AFF3: variants seen among roughly 807,000 people sequenced by gnomAD.
AFF3 encodes ALF transcription elongation factor 3.
AFF3 carries 32 observed loss-of-function variants against 129.7 expected under a neutral mutation model. That is an observed-to-expected ratio of 0.25 (90% CI 0.19 to 0.33). AFF3 has a LOEUF of 0.33. Ranked by LOEUF, AFF3 falls within the 10% of genes least tolerant of loss-of-function variation. The pLI is 1.00. For synonymous variants in AFF3, 644 were observed against 635.4 expected (o/e 1.01, Z -0.20); for missense variants, 1,373 against 1,592.0 (o/e 0.86, Z 2.34).
chr2:99,552,086 A>T (rs752127833), intron 24 of AFF3, among the ~76,000 whole-genome samples: 1 of 152,132 alleles, frequency 6.6e-6, no homozygotes, highest in Non-Finnish European at 1.5e-5. Flanking sequence ...TTGCCCTTTC[A>T]CCAAATGTTT....
In AFF3 at chr2:99,619,084, C is replaced by T. The variant is rs554198511; in HGVS notation, c.1185-17463G>A. On this transcript the variant is annotated intron_variant, in intron 13 of 24. Transcript: ENST00000672756. ...ATTTTGAACAAGGTCAAAGGAAGCTCCCAAGAGAGACTGCAAGGACCCAGA... is the reference window on the plus strand; with the variant it reads ...ATTTTGAACAAGGTCAAAGGAAGCTTCCAAGAGAGACTGCAAGGACCCAGA... Among the ~76,000 whole-genome samples the T allele has an allele frequency of 3.3e-5, 5 of 152,292 alleles. No individual in the cohort carries two copies. The East Asian group carries it at 7.7e-4, about 24-fold the overall frequency.
At chr2:99,994,156 C>T (rs189832432) in intron 7 of AFF3, among the ~76,000 whole-genome samples, 36 of 152,098 alleles carry the variant, frequency 2.4e-4, no homozygotes, top group East Asian at 2.3e-3. Flanking sequence ...CAAACTGATA[C>T]GCAGACTGAA....
chr2:99,878,965 C>T (rs1221345232), intron 7 of AFF3, among the ~76,000 whole-genome samples: 1 of 152,032 alleles, frequency 6.6e-6, no homozygotes, highest in Non-Finnish European at 1.5e-5. Context: ...AACCCTAAGG[C>T]CACAAAATTA....
rs1347313052 is a variant in AFF3 at position 99,578,137 on chromosome 2, G to T, written c.2918+190C>A. The stretch of plus-strand genomic sequence containing the variant: ...TCCGTCTACCCAAAAACCCCACCAG[G>T]ACTCAGGCGTGCACTCAAAATTAAG... On this transcript the variant is annotated intron_variant, in intron 18 of 24. Transcript: ENST00000672756. Among the ~76,000 whole-genome samples the T allele has an allele frequency of 2.6e-5, 4 of 152,026 alleles. No homozygotes were observed. In the East Asian group the frequency reaches 7.7e-4, roughly 29 times the overall value.
chr2:99,643,252 A>G (rs547829786), intron 13 of AFF3, among the ~76,000 whole-genome samples: 7 of 151,818 alleles, frequency 4.6e-5, no homozygotes, highest in Non-Finnish European at 1.0e-4. Flanking sequence ...TAAAGATGGG[A>G]TTTCACCATA....
chr2:100,065,361 ATTG>A (rs1288068513), intron 4 of AFF3, among the ~76,000 whole-genome samples: 1 of 152,218 alleles, frequency 6.6e-6, no homozygotes, highest in Non-Finnish European at 1.5e-5. Flanking sequence ...TTCATTATTT[ATTG>A]TTAATAAAGT....
chr2:99,679,251 C>T (rs1575674924), intron 11 of AFF3, among the ~76,000 whole-genome samples: 2 of 152,186 alleles, frequency 1.3e-5, no homozygotes. Flanking sequence ...CTCCCTCCCT[C>T]CCGGGGAGGG....
chr2:99,875,729 A>T (rs1034645308), intron 7 of AFF3, among the ~76,000 whole-genome samples: 10 of 152,180 alleles, frequency 6.6e-5, no homozygotes, highest in African/African-American at 2.4e-4. Flanking sequence ...AATTCTAAAA[A>T]GGACTAGTTC....
chr2:100,092,013 C>T (rs1007853094), intron 4 of AFF3, among the ~76,000 whole-genome samples: 10 of 149,154 alleles, frequency 6.7e-5, no homozygotes, highest in East Asian at 1.9e-4. Flanking sequence ...TCTCCTCCTC[C>T]GCCCTAGACA....
intron 13 of AFF3, among the ~76,000 whole-genome samples, chr2:99,635,966 T>C (rs965791185): frequency 6.6e-6 from 1 of 152,176 alleles, no homozygotes; most frequent in African/African-American, 2.4e-5. Flanking sequence ...GGGCAGGTTA[T>C]CATCTGGCTT....
chr2:99,772,995 C>T (rs934991649), intron 8 of AFF3, among the ~76,000 whole-genome samples: 3 of 152,212 alleles, frequency 2.0e-5, no homozygotes, highest in African/African-American at 7.2e-5. Flanking sequence ...TTCAGACCGG[C>T]CAGGTTCCCA....
intron 4 of AFF3, among the ~76,000 whole-genome samples, chr2:100,055,944 G>C (rs575474784): frequency 2.9e-4 from 44 of 151,964 alleles, no homozygotes; most frequent in Non-Finnish European, 4.4e-4. Context: ...GTCGGAGAAG[G>C]AAGGACTGCT....
chr2:99,588,416 G>A (rs924648667), intron 15 of AFF3, among the ~76,000 whole-genome samples: 1 of 152,144 alleles, frequency 6.6e-6, no homozygotes, highest in Non-Finnish European at 1.5e-5. Flanking sequence ...GGGCTCAAGC[G>A]ATCCTCCCAC....
chr2:99,960,963 T>A (rs1468793384), intron 7 of AFF3, among the ~76,000 whole-genome samples: 1 of 152,234 alleles, frequency 6.6e-6, no homozygotes, highest in Non-Finnish European at 1.5e-5. Context: ...CTTGTGCTCC[T>A]GGCTCCCCAC....
chr2:99,804,445 G>C (rs1446185949), intron 8 of AFF3, among the ~76,000 whole-genome samples: 1 of 152,212 alleles, frequency 6.6e-6, no homozygotes, highest in Non-Finnish European at 1.5e-5. Context: ...ATTAATGTTA[G>C]TGTGGATGTG....
At chr2:99,803,572 T>TA (rs550502144) in intron 8 of AFF3, among the ~76,000 whole-genome samples, 36 of 151,462 alleles carry the variant, frequency 2.4e-4, no homozygotes, top group Admixed American at 2.6e-4. Flanking sequence ...CACAGAACAA[T>TA]AAAAAAAATC....
At chr2:99,923,830 C>T (rs889604875) in intron 7 of AFF3, among the ~76,000 whole-genome samples, 2 of 151,974 alleles carry the variant, frequency 1.3e-5, no homozygotes, top group African/African-American at 4.8e-5. Flanking sequence ...TTTGCTGCCT[C>T]TAGAGAGTCA....
At chr2:99,874,499 T>C (rs894000061) in intron 7 of AFF3, among the ~76,000 whole-genome samples, 1 of 152,192 alleles carries the variant, frequency 6.6e-6, no homozygotes. Context: ...GACAGGGAAC[T>C]GATTTGGGGG....
At chr2:99,980,199 G>A (rs1185023775) in intron 7 of AFF3, among the ~76,000 whole-genome samples, 2 of 152,140 alleles carry the variant, frequency 1.3e-5, no homozygotes. Flanking sequence ...AACAAATATT[G>A]TGCTATTTGC....
Sources: allele counts gnomAD v4.1 joint callset (sites outside exome capture counted in the v4.1 genomes callset), GRCh38; gene constraint gnomAD v4.1.1; transcripts MANE v1.5; gene names NCBI Gene and HGNC (gene_info 2026-07-23, HGNC 2026-07-21).